Variants in OSBPL8 observed in about 807,000 individuals in gnomAD.
OSBPL8 encodes oxysterol binding protein like 8, also known as oxysterol-binding protein-related protein 8.
Under a neutral mutation model 125.5 loss-of-function variants are expected in OSBPL8, and 59 were observed. The observed-to-expected ratio is 0.47, with a 90% confidence interval of 0.38 to 0.58. OSBPL8 has a LOEUF of 0.58. Among genes scored for constraint, OSBPL8 ranks in the 20% least tolerant of loss-of-function variants. The pLI is 0.00. For missense variants in OSBPL8, 758 were observed against 1,047.8 expected, an observed-to-expected ratio of 0.72 and a Z score of 3.82; for synonymous variants, 330 against 338.9, an observed-to-expected ratio of 0.97 and a Z score of 0.29.
intron 21 of OSBPL8, among the ~76,000 whole-genome samples, chr12:76,364,411 A>C (rs1367993170): frequency 6.6e-6 from 1 of 152,172 alleles, no homozygotes; most frequent in Non-Finnish European, 1.5e-5. Flanking sequence ...CAGAAAACCA[A>C]ATACCGCATG....
chr12:76,426,400 GT>G (rs1870149904), intron 4 of OSBPL8, among the ~76,000 whole-genome samples: 1 of 152,076 alleles, frequency 6.6e-6, no homozygotes, highest in Non-Finnish European at 1.5e-5. Flanking sequence ...TTTGTCTGAA[GT>G]TTTTCTTCAA....
chr12:76,510,348 A>T (rs189871120), intron 1 of OSBPL8, among the ~76,000 whole-genome samples: 1 of 152,340 alleles, frequency 6.6e-6, no homozygotes, highest in East Asian at 1.9e-4. Context: ...CTACTTATGT[A>T]GAGTCCAGGC....
intron 2 of OSBPL8, among the ~76,000 whole-genome samples, chr12:76,465,504 G>A (rs1875304969): frequency 6.6e-6 from 1 of 151,720 alleles, no homozygotes; most frequent in Non-Finnish European, 1.5e-5. Context: ...AGCTTACAGT[G>A]AGCCAAGATC....
intron 1 of OSBPL8, among the ~76,000 whole-genome samples, chr12:76,518,936 C>T (rs1026365595): frequency 3.3e-5 from 5 of 152,200 alleles, no homozygotes; most frequent in Admixed American, 6.5e-5. Context: ...CTGGAAAAGG[C>T]TTTCAAGGTC....
chr12:76,490,030 G>A (rs181814254), intron 1 of OSBPL8, among the ~76,000 whole-genome samples: 94 of 152,288 alleles, frequency 6.2e-4, no homozygotes, highest in African/African-American at 1.0e-3. Flanking sequence ...CTGATGTGGC[G>A]AAAATAGCAA....
At chr12:76,543,041 A>G (rs1565985019) in intron 1 of OSBPL8, among the ~76,000 whole-genome samples, 2 of 152,074 alleles carry the variant, frequency 1.3e-5, no homozygotes, top group Non-Finnish European at 2.9e-5. Flanking sequence ...ATATTGCCCT[A>G]TATTTCTTCC....
At chr12:76,442,805 T>G (rs960102824) in intron 4 of OSBPL8, among the ~76,000 whole-genome samples, 4 of 152,234 alleles carry the variant, frequency 2.6e-5, no homozygotes, top group Non-Finnish European at 5.9e-5. Flanking sequence ...CTTTCTTATC[T>G]GTGAACCACT....
chr12:76,378,102 A>G (rs1952898784), intron 16 of OSBPL8, among the ~76,000 whole-genome samples: 1 of 152,226 alleles, frequency 6.6e-6, no homozygotes, highest in Admixed American at 6.5e-5. Context: ...ATTTTAAAAA[A>G]GCATGGTGGT....
intron 2 of OSBPL8, among the ~76,000 whole-genome samples, chr12:76,466,883 C>A (rs555363414): frequency 6.6e-6 from 1 of 151,564 alleles, no homozygotes; most frequent in Non-Finnish European, 1.5e-5. Flanking sequence ...TCGCTTGAAC[C>A]CGGGGGCGGG....
intron 1 of OSBPL8, among the ~76,000 whole-genome samples, chr12:76,522,043 G>A (rs1882110458): frequency 1.3e-5 from 2 of 152,074 alleles, no homozygotes; most frequent in African/African-American, 4.8e-5. Context: ...ATATTAACTT[G>A]CCTCAAACAC....
intron 1 of OSBPL8, among the ~76,000 whole-genome samples, chr12:76,547,934 G>A (rs572170463): frequency 1.3e-5 from 2 of 152,154 alleles, no homozygotes; most frequent in Admixed American, 6.5e-5. Flanking sequence ...AGGACCAAGC[G>A]GCATAAAGGC....
chr12:76,410,676 C>G lies in OSBPL8; in HGVS notation c.218-42G>C, dbSNP rs773406378. The G allele has an allele frequency of 3.0e-6, 4 of 1,315,150 alleles. No homozygotes were observed. In the Admixed American group the frequency reaches 6.9e-5, roughly 23 times the overall value. 81.5% of individuals were successfully genotyped at this position (1,315,150 alleles called of 1,614,324 possible). A position where few individuals can be genotyped will look rare whatever the true frequency, so the allele number is the denominator to read the frequency against. ...GCATATCAGTATTACTACTTTTGAA[C>G]ATGTATAATAAGTCATTCATTTTCA... On this transcript the variant is annotated intron_variant, in intron 4 of 23. Coordinates refer to ENST00000261183, the MANE Select transcript of OSBPL8 (RefSeq NM_020841.5).
chr12:76,447,005 T>C (rs1296298565), intron 4 of OSBPL8, among the ~76,000 whole-genome samples: 1 of 152,202 alleles, frequency 6.6e-6, no homozygotes, highest in African/African-American at 2.4e-5. Context: ...TAACTATATT[T>C]CACATTTACC....
At chr12:76,396,555 G>A (rs544446641) in intron 8 of OSBPL8, among the ~76,000 whole-genome samples, 1 of 152,180 alleles carries the variant, frequency 6.6e-6, no homozygotes, top group East Asian at 1.9e-4. Flanking sequence ...TTCAAGACCA[G>A]CCTGGGCAAC....
rs766512637 is a variant in OSBPL8, at chr12:76,390,451, T to C, written c.1136A>G (p.Tyr379Cys). 1 of 1,613,628 alleles carries C rather than the reference T, an allele frequency of 6.2e-7. No homozygotes were observed. Among genetic ancestry groups the C allele is most frequent in the Non-Finnish European group, 8.5e-7 (1 of 1,179,742 alleles). Residue 379 changes from tyrosine to cysteine, a missense_variant, in exon 11 of 24, where the codon TAC (tyrosine) becomes TGC (cysteine). By Grantham distance (194) the Tyr-to-Cys change is radical (BLOSUM62 -2). Coordinates refer to ENST00000261183, the MANE Select transcript of OSBPL8 (RefSeq NM_020841.5). ...AAGTTCTTCATGGCTCTGTTCAGTGTAGGTAGTCTCCTTTAAAGGCTCAAC... is the reference window on the plus strand; with the variant it reads ...AAGTTCTTCATGGCTCTGTTCAGTGCAGGTAGTCTCCTTTAAAGGCTCAAC... Reference protein sequence around the residue: ...EPVEPLKETTYTEQSHEELGE... With the variant: ...EPVEPLKETTCTEQSHEELGE...
chr12:76,397,568 TGCA>T, intron 8 of OSBPL8, 123 bp downstream of exon 8: 1 of 958,270 alleles, frequency 1.0e-6, no homozygotes, highest in Non-Finnish European at 1.5e-6. Context: ...GGGGGAATAA[TGCA>T]ATGGAAAGCA....
Position 76,487,021 on chromosome 12 carries a change from A to ATTTT in OSBPL8, c.42+485_42+488dup, listed in dbSNP as rs63178360. ...AAACTTTAAGCTATTTGCAATTTTC[A>ATTTT]TTTTTTTTTTTTTTTTTTTTTTTTT... On this transcript the variant is annotated intron_variant, in intron 2 of 23. Coordinates refer to ENST00000261183, the MANE Select transcript of OSBPL8 (RefSeq NM_020841.5). Among the ~76,000 whole-genome samples the ATTTT allele has an allele frequency of 1.9e-3, 192 of 101,890 alleles. 8 individuals carry two copies. The highest frequency in any genetic ancestry group is 6.9e-3 in the African/African-American group (176 of 25,478). The allele number at this position is 101,890 out of a possible 152,430, so 66.8% of individuals were successfully genotyped here. A position where few individuals can be genotyped will look rare whatever the true frequency, so the allele number is the denominator to read the frequency against.
intron 1 of OSBPL8, among the ~76,000 whole-genome samples, chr12:76,511,909 A>T (rs1881036825): frequency 6.6e-6 from 1 of 152,220 alleles, no homozygotes; most frequent in Admixed American, 6.6e-5. Flanking sequence ...ATATGGTGTA[A>T]GGGGTCCAGC....
intron 1 of OSBPL8, among the ~76,000 whole-genome samples, chr12:76,501,870 T>C (rs1230060359): frequency 6.6e-6 from 1 of 152,214 alleles, no homozygotes; most frequent in Non-Finnish European, 1.5e-5. Flanking sequence ...CTTGAATAAA[T>C]TTCTCTTCCC....
Sources: allele counts gnomAD v4.1 joint callset (sites outside exome capture counted in the v4.1 genomes callset), GRCh38; gene constraint gnomAD v4.1.1; transcripts MANE v1.5; gene names NCBI Gene and HGNC (gene_info 2026-07-23, HGNC 2026-07-21).